MTRES1: variants seen among roughly 807,000 people sequenced by gnomAD.
The protein encoded by MTRES1 is mitochondrial transcription rescue factor 1.
MTRES1 carries 11 observed loss-of-function variants against 17.4 expected under a neutral mutation model. The ratio of observed to expected loss-of-function variants is 0.63; its 90% CI spans 0.40 to 1.05. The LOEUF is 1.05. Among genes scored for constraint, MTRES1 ranks in the 50% least tolerant of loss-of-function variants. The probability of loss-of-function intolerance (pLI) is 0.00; values close to 1 mark genes in which losing one functional copy is unlikely to be tolerated. For missense variants in MTRES1, 268 were observed against 276.2 expected, an observed-to-expected ratio of 0.97 and a Z score of 0.21; for synonymous variants, 94 against 99.6, an observed-to-expected ratio of 0.94 and a Z score of 0.34.
rs180786913 is a variant in MTRES1 at position 107,050,867 on chromosome 6, G to A, written c.544-190G>A. On this transcript the variant is annotated intron_variant, in intron 3 of 3. Coordinates refer to ENST00000311381, the MANE Select transcript of MTRES1 (RefSeq NM_016487.5). Reference sequence around the variant, plus strand: ...GCTGGGATTACAGGCGTGAGCCACCGCACCTGACCTTTCACCCTCCCTTTC... The same window carrying A: ...GCTGGGATTACAGGCGTGAGCCACCACACCTGACCTTTCACCCTCCCTTTC... 6.0e-3 allele frequency among the ~76,000 whole-genome samples: 913 copies of A among 152,178 alleles called. 6 individuals are homozygous for A. The highest frequency in any genetic ancestry group is 9.3e-3 in the Non-Finnish European group (633 of 67,990).
intron 1 of MTRES1, chr6:107,029,965 A>G: frequency 1.5e-6 from 1 of 657,112 alleles, no homozygotes; most frequent in Non-Finnish European, 2.7e-6. Context: ...TGCATTAACC[A>G]CCAGCTATCA....
intron 1 of MTRES1, among the ~76,000 whole-genome samples, chr6:107,039,240 CT>C (rs1347925580): frequency 6.6e-6 from 1 of 152,066 alleles, no homozygotes; most frequent in Non-Finnish European, 1.5e-5. Context: ...TTAGTTGCAG[CT>C]AGAAGATTCA....
intron 3 of MTRES1, among the ~76,000 whole-genome samples, chr6:107,047,667 T>C (rs1392953755): frequency 1.3e-5 from 2 of 152,012 alleles, no homozygotes; most frequent in Non-Finnish European, 2.9e-5. Flanking sequence ...GGTGGAACAC[T>C]TGAGGCCAGG....
intron 1 of MTRES1, among the ~76,000 whole-genome samples, chr6:107,029,396 C>G (rs1229945667): frequency 6.6e-6 from 1 of 151,982 alleles, no homozygotes; most frequent in African/African-American, 2.4e-5. Context: ...ACCGTGTTAG[C>G]CAGGATGGTC....
At chr6:107,029,230 C>T (rs1478459672) in intron 1 of MTRES1, among the ~76,000 whole-genome samples, 1 of 150,890 alleles carries the variant, frequency 6.6e-6, no homozygotes, top group Non-Finnish European at 1.5e-5. Context: ...CTCTGTCGCC[C>T]AGGCTGGAGT....
chr6:107,042,591 G>A (rs553221746), intron 2 of MTRES1, among the ~76,000 whole-genome samples: 9 of 152,286 alleles, frequency 5.9e-5, no homozygotes. Context: ...GGTTGCCCTA[G>A]TGCGTTAAGT....
intron 1 of MTRES1, among the ~76,000 whole-genome samples, chr6:107,037,160 G>A (rs1274369787): frequency 6.6e-6 from 1 of 152,118 alleles, no homozygotes; most frequent in African/African-American, 2.4e-5. Flanking sequence ...ATCCCAGACT[G>A]GAGTGCAGTG....
intron 3 of MTRES1, among the ~76,000 whole-genome samples, chr6:107,046,626 C>T (rs1774399098): frequency 6.6e-6 from 1 of 152,158 alleles, no homozygotes; most frequent in East Asian, 1.9e-4. Context: ...AAGAATGCCT[C>T]GCCTTCCCTG....
At chr6:107,042,602 T>G (rs781876193) in intron 2 of MTRES1, among the ~76,000 whole-genome samples, 13 of 152,180 alleles carry the variant, frequency 8.5e-5, no homozygotes, top group Non-Finnish European at 1.6e-4. Flanking sequence ...TGCGTTAAGT[T>G]CAGAGAGATC....
intron 2 of MTRES1, 51 bp downstream of exon 2, chr6:107,040,281 T>C: frequency 6.8e-7 from 1 of 1,479,950 alleles, no homozygotes; most frequent in South Asian, 1.4e-5. Context: ...CATGTTATTT[T>C]AATATAGCAT....
In MTRES1 at chr6:107,041,186, T is replaced by C. The variant is rs1413416220; in HGVS notation, c.470+956T>C. 3.4e-3 allele frequency among the ~76,000 whole-genome samples: 507 copies of C among 147,772 alleles called. 3 individuals are homozygous for C. The highest frequency in any genetic ancestry group is 4.5e-3 in the Non-Finnish European group (306 of 67,388). ...CTTGCAGTGAGCCGAGATCACGCCA[T>C]TGCACTCCAGCCTGGGCGACAGAGC... On this transcript the variant is annotated intron_variant, in intron 2 of 3. Transcript: ENST00000311381.
At position 107,040,047 on chromosome 6, in the gene MTRES1, A is replaced by G. The variant is rs782616355; in HGVS notation, c.287A>G (p.Lys96Arg). 6.2e-7 allele frequency: 1 copy of G among 1,613,338 alleles called. No homozygotes were observed. The highest frequency in any genetic ancestry group is 8.5e-7 in the Non-Finnish European group (1 of 1,179,814). Reference protein sequence around the residue: ...SNIRSTKSTKKSLQKVDEEDS... With the variant: ...SNIRSTKSTKRSLQKVDEEDS... Reference sequence around the variant, plus strand: ...ATAAGGTCTACAAAATCTACTAAAAAGTCTCTGCAAAAAGTAGATGAAGAG... The same window carrying G: ...ATAAGGTCTACAAAATCTACTAAAAGGTCTCTGCAAAAAGTAGATGAAGAG... Residue 96 changes from lysine (K) to arginine (R), a missense_variant, in exon 2 of 4, where the codon AAG becomes AGG. Transcript: ENST00000311381.
intron 1 of MTRES1, among the ~76,000 whole-genome samples, chr6:107,030,738 T>A (rs1304972265): frequency 1.3e-5 from 2 of 152,164 alleles, no homozygotes; most frequent in Non-Finnish European, 2.9e-5. Context: ...AGTGAGCCAC[T>A]CTTATCCAGG....
At chr6:107,047,645 G>A (rs549727059) in intron 3 of MTRES1, among the ~76,000 whole-genome samples, 3 of 152,218 alleles carry the variant, frequency 2.0e-5, no homozygotes, top group South Asian at 4.1e-4. Flanking sequence ...AGCACTTTGG[G>A]AGGTCAAGGC....
intron 3 of MTRES1, among the ~76,000 whole-genome samples, chr6:107,048,767 A>C (rs1774482751): frequency 8.4e-6 from 1 of 119,190 alleles, no homozygotes. Flanking sequence ...TGACACGGTG[A>C]GACTCCATGT....
intron 1 of MTRES1, among the ~76,000 whole-genome samples, chr6:107,037,552 ATAAAT>A (rs1352051531): frequency 6.6e-6 from 1 of 152,230 alleles, no homozygotes; most frequent in Non-Finnish European, 1.5e-5. Context: ...TCTCTACTAA[ATAAAT>A]TAAATCTAAA....
intron 2 of MTRES1, among the ~76,000 whole-genome samples, chr6:107,041,585 G>C (rs1307080175): frequency 6.6e-6 from 1 of 152,042 alleles, no homozygotes; most frequent in Non-Finnish European, 1.5e-5. Flanking sequence ...GAGTGCCATG[G>C]CACGATCTCG....
At chr6:107,030,331 G>T (rs370093520) in intron 1 of MTRES1, among the ~76,000 whole-genome samples, 3 of 152,306 alleles carry the variant, frequency 2.0e-5, no homozygotes, top group African/African-American at 7.2e-5. Flanking sequence ...CCACGTGGAG[G>T]TGTCAAATAG....
intron 1 of MTRES1, among the ~76,000 whole-genome samples, chr6:107,031,983 AAG>A (rs1438151513): frequency 3.3e-5 from 5 of 152,118 alleles, no homozygotes; most frequent in African/African-American, 1.2e-4. Flanking sequence ...CCAAGTGAAG[AAG>A]AGAGGCGTGA....
Sources: allele counts gnomAD v4.1 joint callset (sites outside exome capture counted in the v4.1 genomes callset), GRCh38; gene constraint gnomAD v4.1.1; transcripts MANE v1.5; gene names NCBI Gene and HGNC (gene_info 2026-07-23, HGNC 2026-07-21).